The following IL1RAPL2 variants were observed in gnomAD, a reference collection of about 807,000 sequenced individuals.
IL1RAPL2 encodes X-linked interleukin-1 receptor accessory protein-like 2.
Under a neutral mutation model 44.1 loss-of-function variants are expected in IL1RAPL2, and 3 were observed. The ratio of observed to expected loss-of-function variants is 0.07; its 90% CI spans 0.03 to 0.18. IL1RAPL2 has a LOEUF of 0.18. IL1RAPL2 is among the 10% of genes least tolerant of loss of function. The pLI, the probability that IL1RAPL2 is intolerant of heterozygous loss-of-function variation, is 1.00. For synonymous variants in IL1RAPL2, 181 were observed against 178.8 expected, an observed-to-expected ratio of 1.01 and a Z score of -0.10; for missense variants, 391 against 496.4, an observed-to-expected ratio of 0.79 and a Z score of 2.02.
rs145896714 is a variant in IL1RAPL2, at chrX:104,942,086, T to G, written c.83-253389T>G. Among the ~76,000 whole-genome samples, 635 of 112,166 alleles carry G rather than the reference T, an allele frequency of 5.7e-3. 3 individuals are homozygous for G. The highest frequency in any genetic ancestry group is 0.02 in the African/African-American group (604 of 30,817). ...CTTTGTTTTGGTACCAGTACCATGC[T>G]GTTTTGGTTACTGTAGCCTTGTAGT... is the stretch of plus-strand genomic sequence containing the variant. On this transcript the variant is annotated intron_variant, in intron 2 of 10. Coordinates refer to ENST00000372582, the MANE Select transcript of IL1RAPL2 (RefSeq NM_017416.2).
At chrX:104,705,508 C>G (rs919895150) in intron 2 of IL1RAPL2, among the ~76,000 whole-genome samples, 1 of 111,112 alleles carries the variant, frequency 9.0e-6, no homozygotes, top group Non-Finnish European at 1.9e-5. Context: ...ATCTCATCAG[C>G]TGAATAAACT....
At chrX:105,498,823 G>C (rs185609405) in intron 6 of IL1RAPL2, among the ~76,000 whole-genome samples, 4 of 111,654 alleles carry the variant, frequency 3.6e-5, no homozygotes, top group African/African-American at 1.3e-4. Context: ...AAGGGTCCCC[G>C]ATCCCTGGGG....
At chrX:105,447,122 TATAAATATATATATGAATATAA>T (rs2035964931) in intron 5 of IL1RAPL2, among the ~76,000 whole-genome samples, 2 of 57,287 alleles carry the variant, frequency 3.5e-5, no homozygotes, top group Non-Finnish European at 3.2e-5. Context: ...TATATATAAA[TATAAATATATATATGAATATAA>T]ATATATATAA....
At chrX:105,583,146 T>A (rs1399823406) in intron 6 of IL1RAPL2, among the ~76,000 whole-genome samples, 1 of 108,304 alleles carries the variant, frequency 9.2e-6, no homozygotes, top group African/African-American at 3.4e-5. Flanking sequence ...TTTGTTTTTT[T>A]TTTTTTGAGA....
intron 5 of IL1RAPL2, among the ~76,000 whole-genome samples, chrX:105,451,335 A>G (rs767897598): frequency 9.0e-6 from 1 of 111,153 alleles, no homozygotes; most frequent in Non-Finnish European, 1.9e-5. Flanking sequence ...GCTTAGACTT[A>G]TCCCTCCTCC....
chrX:104,894,516 C>G (rs1298612576), intron 2 of IL1RAPL2, among the ~76,000 whole-genome samples: 3 of 111,804 alleles, frequency 2.7e-5, no homozygotes, highest in Middle Eastern at 4.6e-3. Flanking sequence ...AACTTCTCTT[C>G]TCACTTCATT....
Position 105,169,492 on chromosome X carries a change from C to CTTTTTTTTTTTTTTTTTTTTTTTT in IL1RAPL2, c.83-25976_83-25953dup, listed in dbSNP as rs748101220. On this transcript the variant is annotated intron_variant, in intron 2 of 10. Transcript: ENST00000372582. Reference sequence around the variant, plus strand: ...TGAGAAACTTTCAGTTTCTTTCTTTCTTTTTTTTTTTTTTTTTTTTTTTTT... The same window carrying CTTTTTTTTTTTTTTTTTTTTTTTT: ...TGAGAAACTTTCAGTTTCTTTCTTTCTTTTTTTTTTTTTTTTTTTTTTTTTTTTTTTTTTTTTTTTTTTTTTTTT... Among the ~76,000 whole-genome samples the CTTTTTTTTTTTTTTTTTTTTTTTT allele has an allele frequency of 8.7e-4, 36 of 41,561 alleles. 13 individuals carry two copies. Among genetic ancestry groups the CTTTTTTTTTTTTTTTTTTTTTTTT allele is most frequent in the African/African-American group, 4.8e-3 (35 of 7,272 alleles). The allele number at this position is 41,561 out of a possible 115,157, so 36.1% of individuals were successfully genotyped here.
chrX:105,514,807 A>T (rs2147787228), intron 6 of IL1RAPL2, among the ~76,000 whole-genome samples: 1 of 112,133 alleles, frequency 8.9e-6, no homozygotes, highest in East Asian at 2.8e-4. Flanking sequence ...CAGCAGCATC[A>T]GTAAGCCACT....
At chrX:104,832,891 C>T (rs1374055675) in intron 2 of IL1RAPL2, among the ~76,000 whole-genome samples, 1 of 111,084 alleles carries the variant, frequency 9.0e-6, no homozygotes, top group Non-Finnish European at 1.9e-5. Context: ...TTGATTTTGG[C>T]TCCCCTGACA....
chrX:105,406,340 G>A (rs1469292489), intron 5 of IL1RAPL2: 5 of 1,066,300 alleles, frequency 4.7e-6, no homozygotes, highest in Non-Finnish European at 6.5e-6. Context: ...CTTGCGTCAT[G>A]GACAGCTCAT....
intron 6 of IL1RAPL2, among the ~76,000 whole-genome samples, chrX:105,579,757 A>G (rs2037075302): frequency 1.8e-5 from 2 of 112,001 alleles, no homozygotes; most frequent in African/African-American, 6.5e-5. Flanking sequence ...GCCAGTACTC[A>G]ATTCTGGCTC....
intron 1 of IL1RAPL2, among the ~76,000 whole-genome samples, chrX:104,616,852 A>C (rs918969585): frequency 8.9e-6 from 1 of 112,085 alleles, no homozygotes; most frequent in Non-Finnish European, 1.9e-5. Flanking sequence ...TGTCCCGCAC[A>C]GCCGGCTCTG....
At chrX:105,465,489 C>T (rs186588683) in intron 5 of IL1RAPL2, among the ~76,000 whole-genome samples, 7 of 111,558 alleles carry the variant, frequency 6.3e-5, no homozygotes, top group Admixed American at 1.9e-4. Context: ...ATTTATTTTC[C>T]TCTGTTATTA....
At chrX:104,677,891 C>A (rs1033245674) in intron 2 of IL1RAPL2, among the ~76,000 whole-genome samples, 6 of 112,288 alleles carry the variant, frequency 5.3e-5, no homozygotes, top group African/African-American at 1.6e-4. Flanking sequence ...TTCTTTGACT[C>A]GGAAAGGGAA....
intron 1 of IL1RAPL2, among the ~76,000 whole-genome samples, chrX:104,594,923 GA>G (rs761364843): frequency 1.3e-4 from 15 of 112,140 alleles, no homozygotes; most frequent in Non-Finnish European, 2.6e-4. Flanking sequence ...TAGATAGTGA[GA>G]AGATGATTAA....
chrX:104,715,478 C>T (rs1402891645), intron 2 of IL1RAPL2, among the ~76,000 whole-genome samples: 3 of 104,139 alleles, frequency 2.9e-5, no homozygotes, highest in Non-Finnish European at 5.9e-5. Context: ...TTTTGTGTCT[C>T]TATCTCCTTC....
At chrX:105,689,488 C>T (rs1345544671) in intron 6 of IL1RAPL2, among the ~76,000 whole-genome samples, 1 of 112,256 alleles carries the variant, frequency 8.9e-6, no homozygotes. Flanking sequence ...CACTGGTCAT[C>T]AGAGAAATGC....
intron 2 of IL1RAPL2, among the ~76,000 whole-genome samples, chrX:105,012,240 T>A (rs2031061050): frequency 9.0e-6 from 1 of 110,953 alleles, no homozygotes; most frequent in Admixed American, 9.6e-5. Context: ...AATCTGTGCA[T>A]CAAAGCAAGG....
intron 7 of IL1RAPL2, among the ~76,000 whole-genome samples, chrX:105,726,526 CAG>C (rs2038353398): frequency 9.0e-6 from 1 of 111,599 alleles, no homozygotes; most frequent in African/African-American, 3.3e-5. Flanking sequence ...GGAGGACAGA[CAG>C]ATAAAGCCAG....
Sources: gnomAD v4.1 joint callset for allele counts (sites outside exome capture counted in the v4.1 genomes callset) on GRCh38, gnomAD v4.1.1 for gene constraint, MANE v1.5 for transcripts, NCBI Gene and HGNC (gene_info 2026-07-23, HGNC 2026-07-21) for gene names.